Variants in MOCS1 observed in about 807,000 individuals in gnomAD.
The protein encoded by MOCS1 is molybdenum cofactor biosynthesis protein 1.
Under a neutral mutation model 57.6 loss-of-function variants are expected in MOCS1, and 39 were observed. The observed-to-expected ratio is 0.68, with a 90% confidence interval of 0.52 to 0.88. MOCS1 has a LOEUF of 0.88. Ranked by LOEUF, MOCS1 falls within the 40% of genes least tolerant of loss-of-function variation. MOCS1 has a pLI of 0.00. For missense variants in MOCS1, 795 were observed against 831.1 expected, an observed-to-expected ratio of 0.96 and a Z score of 0.53; for synonymous variants, 334 against 335.7, an observed-to-expected ratio of 1.00 and a Z score of 0.05.
At position 39,913,791 on chromosome 6, in the gene MOCS1, C is replaced by T. The variant is rs181091882; in HGVS notation, c.628G>A (p.Gly210Ser). The T allele has an allele frequency of 1.0e-4, 167 of 1,614,178 alleles. No individual in the cohort carries two copies. The highest frequency in any genetic ancestry group is 7.3e-5 in the Non-Finnish European group (86 of 1,180,040). ...GGCCTCACCTTCACAGGGTTGTAGC[C>T]CAGCTCGATGGCCTTGTGGATGCCC... is the stretch of plus-strand genomic sequence containing the variant. Reference protein sequence around the residue: ...MEGIHKAIELGYNPVKVNCVV... With the variant: ...MEGIHKAIELSYNPVKVNCVV... Residue 210 changes from glycine (G) to serine (S), a missense_variant, in exon 5 of 11, where the codon GGC (glycine) becomes AGC (serine). By Grantham distance (56) the Gly-to-Ser change is moderately conservative (BLOSUM62 0). Transcript: ENST00000340692.
intron 1 of MOCS1, among the ~76,000 whole-genome samples, chr6:39,928,422 C>G (rs935953435): frequency 6.6e-6 from 1 of 152,168 alleles, no homozygotes; most frequent in Non-Finnish European, 1.5e-5. Context: ...CCTTGGCCCC[C>G]CAAAGTGCTG....
Position 39,906,092 on chromosome 6 carries a change from T to C in MOCS1, c.*265A>G, listed in dbSNP as rs1562081286. On this transcript the variant is annotated 3_prime_UTR_variant, in exon 11 of 11. Transcript: ENST00000340692. The stretch of plus-strand genomic sequence containing the variant: ...GATTTCTCAGTTATCTGGCATTGCT[T>C]GTTGCAGTCCCGCTCCCACGACCTT... 1 of 649,708 alleles carries C rather than the reference T, an allele frequency of 1.5e-6. No homozygotes were observed. Among genetic ancestry groups the C allele is most frequent in the Admixed American group, 2.1e-5 (1 of 47,898 alleles). The allele number at this position is 649,708 out of a possible 1,614,324, so 40.2% of individuals were successfully genotyped here. A position where few individuals can be genotyped will look rare whatever the true frequency, so the allele number is the denominator to read the frequency against.
Position 39,912,432 on chromosome 6 carries a change from G to A in MOCS1, c.871-58C>T, listed in dbSNP as rs532857271. 53 of 1,206,440 alleles carry A rather than the reference G, an allele frequency of 4.4e-5. No individual in the cohort carries two copies. In the East Asian group the frequency reaches 1.2e-3, roughly 26 times the overall value. The allele number at this position is 1,206,440 out of a possible 1,614,324, so 74.7% of individuals were successfully genotyped here. On this transcript the variant is annotated intron_variant, in intron 7 of 10. Transcript: ENST00000340692. ...TGGAGGGGATGGGCTACTGAGCCCA[G>A]TTTCTCACTCCATGACATCAGAACC...
Position 39,906,269 on chromosome 6 carries a change from G to GTGA in MOCS1, c.*85_*87dup, listed in dbSNP as rs1554188117. On this transcript the variant is annotated 3_prime_UTR_variant, in exon 11 of 11. Coordinates refer to ENST00000340692, the MANE Select transcript of MOCS1 (RefSeq NM_001358530.2). ...TGCTCAAGGTAAACAAACAGTGACTGTGATTAAAGGAACCTGACGTCTTTC... is the reference window on the plus strand; with the variant it reads ...TGCTCAAGGTAAACAAACAGTGACTGTGATGATTAAAGGAACCTGACGTCTTTC... The GTGA allele has an allele frequency of 1.3e-6, 2 of 1,522,556 alleles. No homozygotes were observed. Among genetic ancestry groups the GTGA allele is most frequent in the Non-Finnish European group, 1.8e-6 (2 of 1,101,114 alleles). The allele number at this position is 1,522,556 out of a possible 1,614,324, so 94.3% of individuals were successfully genotyped here. A position where few individuals can be genotyped will look rare whatever the true frequency, so the allele number is the denominator to read the frequency against.
Position 39,909,049 on chromosome 6 carries a change from A to G in MOCS1, c.1150+6T>C. On this transcript the variant is annotated splice_donor_region_variant and intron_variant, in intron 10 of 10. Coordinates refer to ENST00000340692, the MANE Select transcript of MOCS1 (RefSeq NM_001358530.2). ...GTGAGTGGTTACGTACTGATGGGTCACCCACCGATGAGGATCATGGGCCGG... is the reference window on the plus strand; with the variant it reads ...GTGAGTGGTTACGTACTGATGGGTCGCCCACCGATGAGGATCATGGGCCGG... 6.2e-7 allele frequency: 1 copy of G among 1,611,332 alleles called. No individual in the cohort carries two copies. The highest frequency in any genetic ancestry group is 1.1e-5 in the South Asian group (1 of 90,876).
At chr6:39,928,581 A>G (rs1357811837) in intron 1 of MOCS1, among the ~76,000 whole-genome samples, 1 of 152,068 alleles carries the variant, frequency 6.6e-6, no homozygotes, top group East Asian at 1.9e-4. Flanking sequence ...CAAAAAAATC[A>G]CGACCCTGGA....
In MOCS1 at chr6:39,913,418, A is replaced by C; in HGVS notation, c.656T>G (p.Val219Gly). Residue 219 changes from valine (V) to glycine (G), a missense_variant, in exon 6 of 11, where the codon GTG becomes GGG. Around this residue, in one of 3 missense-constraint regions of MOCS1, gnomAD observed 416 missense variants for 392.4 expected, o/e 1.06. Coordinates refer to ENST00000340692, the MANE Select transcript of MOCS1 (RefSeq NM_001358530.2). ...LGYNPVKVNC[V>G]VMRGLNEDEL... is the part of the protein sequence containing the mutation. ...ATCCTCGTTAAGGCCTCGCATCACC[A>C]CACAGTTCACCTGGCCGGGGAACAA... is the stretch of plus-strand genomic sequence containing the variant. The C allele has an allele frequency of 6.2e-7, 1 of 1,614,080 alleles. No individual in the cohort carries two copies. Among genetic ancestry groups the C allele is most frequent in the South Asian group, 1.1e-5 (1 of 91,080 alleles).
intron 3 of MOCS1, among the ~76,000 whole-genome samples, chr6:39,925,199 T>G (rs1287730071): frequency 6.6e-6 from 1 of 151,480 alleles, no homozygotes; most frequent in African/African-American, 2.4e-5. Flanking sequence ...TGTGAGTACA[T>G]GAGGACGCAC....
At position 39,913,381 on chromosome 6, in the gene MOCS1, GTCCAGGAGT is replaced by G. The variant is rs1562090040; in HGVS notation, c.684_692del (p.Glu228_Leu230del). 4 of 1,614,222 alleles carry G rather than the reference GTCCAGGAGT, an allele frequency of 2.5e-6. No individual in the cohort carries two copies. The East Asian group carries it at 8.9e-5, about 36-fold the overall frequency. ...GGAGGCCCTCAGTCAAGGCCGCAAA[GTCCAGGAGT>G]TCATCCTCGTTAAGGCCTCGCATCA... On this transcript the variant is annotated inframe_deletion, in exon 6 of 11. Coordinates refer to ENST00000340692, the MANE Select transcript of MOCS1 (RefSeq NM_001358530.2).
rs1661947452 is a variant in MOCS1, at chr6:39,909,058, T to A, written c.1147A>T (p.Ile383Phe). 6.2e-7 allele frequency: 1 copy of A among 1,607,208 alleles called. No homozygotes were observed. The highest frequency in any genetic ancestry group is 1.7e-5 in the Admixed American group (1 of 59,108). ...TACGTACTGATGGGTCACCCACCGA[T>A]GAGGATCATGGGCCGGTTCTTCATC... ...SQMKNRPMIL[I>F]ELFLMFPNSP... Residue 383 changes from isoleucine (I) to phenylalanine (F), a missense_variant, in exon 10 of 11, where the codon ATC becomes TTC. Ile to Phe is a conservative substitution (Grantham distance 21). This residue lies in a region of MOCS1 where 374 missense variants were observed against 422.6 expected (regional missense o/e 0.89). Transcript: ENST00000340692.
In MOCS1 at chr6:39,909,036, G is replaced by T; in HGVS notation, c.1150+19C>A. ...CCAAATGACAAGGGTGAGTGGTTAC[G>T]TACTGATGGGTCACCCACCGATGAG... On this transcript the variant is annotated intron_variant, in intron 10 of 10. Coordinates refer to ENST00000340692, the MANE Select transcript of MOCS1 (RefSeq NM_001358530.2). The T allele has an allele frequency of 6.2e-7, 1 of 1,609,872 alleles. No individual in the cohort carries two copies. Among genetic ancestry groups the T allele is most frequent in the South Asian group, 1.1e-5 (1 of 90,906 alleles).
At position 39,926,267 on chromosome 6, in the gene MOCS1, G is replaced by A. The variant is rs139222140; in HGVS notation, c.251-422C>T. 8.5e-5 allele frequency among the ~76,000 whole-genome samples: 13 copies of A among 152,288 alleles called. 1 individual carries two copies. In the East Asian group the frequency reaches 2.5e-3, roughly 29 times the overall value. ...GTAGCTTTCTCTCTGTGTGTCATGG[G>A]GTGAGAGAGAGGTACTCTCTGGCCT... is the stretch of plus-strand genomic sequence containing the variant. On this transcript the variant is annotated intron_variant, in intron 2 of 10. Coordinates refer to ENST00000340692, the MANE Select transcript of MOCS1 (RefSeq NM_001358530.2).
rs938607186 is a variant in MOCS1 at position 39,912,743 on chromosome 6, GGTT to G, written c.870+146_870+148del. 6.8e-5 allele frequency: 51 copies of G among 754,408 alleles called. No individual in the cohort carries two copies. The Admixed American group carries it at 7.4e-4, about 11-fold the overall frequency. 46.7% of individuals were successfully genotyped at this position (754,408 alleles called of 1,614,324 possible). On this transcript the variant is annotated intron_variant, in intron 7 of 10. Coordinates refer to ENST00000340692, the MANE Select transcript of MOCS1 (RefSeq NM_001358530.2). ...ATCTTCATCCATGAAACAGGGAGGTGGTTGTGATAGCACTGATGCTTCCTGCTT... is the reference window on the plus strand; with the variant it reads ...ATCTTCATCCATGAAACAGGGAGGTGGTGATAGCACTGATGCTTCCTGCTT...
chr6:39,930,567 A>G (rs1028372660), intron 1 of MOCS1, among the ~76,000 whole-genome samples: 1 of 152,232 alleles, frequency 6.6e-6, no homozygotes, highest in African/African-American at 2.4e-5. Context: ...TCTACTGTCA[A>G]AATGGTTTAA....
chr6:39,911,581 A>G (rs574813662), intron 8 of MOCS1, among the ~76,000 whole-genome samples: 1 of 152,296 alleles, frequency 6.6e-6, no homozygotes, highest in Non-Finnish European at 1.5e-5. Flanking sequence ...ATTCTGAACC[A>G]AAGCCCCCTA....
rs7739711 is a variant in MOCS1 at position 39,905,101 on chromosome 6, T to C, written c.*1256A>G. The C allele has an allele frequency of 2.2e-6, 1 of 454,550 alleles. No homozygotes were observed. Among genetic ancestry groups the C allele is most frequent in the Non-Finnish European group, 4.4e-6 (1 of 226,904 alleles). The allele number at this position is 454,550 out of a possible 1,614,324, so 28.2% of individuals were successfully genotyped here. A position where few individuals can be genotyped will look rare whatever the true frequency, so the allele number is the denominator to read the frequency against. On this transcript the variant is annotated 3_prime_UTR_variant, in exon 11 of 11. Coordinates refer to ENST00000340692, the MANE Select transcript of MOCS1 (RefSeq NM_001358530.2). The stretch of plus-strand genomic sequence containing the variant: ...TAATATTTGCCAGCACACCTTGGCA[T>C]AGGGCAGAGGGGAGGCAGGCAGGGG...
Position 39,906,775 on chromosome 6 carries a change from CT to C in MOCS1, c.1492del (p.Arg498GlyfsTer20). 6.2e-7 allele frequency: 1 copy of C among 1,614,210 alleles called. No individual in the cohort carries two copies. Among genetic ancestry groups the C allele is most frequent in the Non-Finnish European group, 8.5e-7 (1 of 1,180,038 alleles). ...EGRAAMVDVG[R>X]KPDTERVAVA... is the part of the protein sequence containing the mutation. The stretch of plus-strand genomic sequence containing the variant: ...AGCCACCCGCTCTGTGTCTGGCTTC[CT>C]GCCCACATCTACCATAGCTGCCCGT... On this transcript the variant is annotated frameshift_variant, in exon 11 of 11. Transcript: ENST00000340692. LOFTEE classifies it high-confidence loss of function.
At chr6:39,908,480 C>T (rs1035602649) in intron 10 of MOCS1, among the ~76,000 whole-genome samples, 10 of 152,130 alleles carry the variant, frequency 6.6e-5, no homozygotes, top group South Asian at 2.1e-4. Flanking sequence ...CCTACACACA[C>T]GATGATACAT....
chr6:39,923,120 C>T (rs1025638426), intron 3 of MOCS1, among the ~76,000 whole-genome samples: 2 of 152,108 alleles, frequency 1.3e-5, no homozygotes, highest in Non-Finnish European at 2.9e-5. Context: ...TTTCACCCAC[C>T]CCCACCACCT....
Sources: allele counts gnomAD v4.1 joint callset (sites outside exome capture counted in the v4.1 genomes callset), GRCh38; gene constraint gnomAD v4.1.1; regional missense constraint gnomAD v4.1.1; transcripts MANE v1.5; gene names NCBI Gene and HGNC (gene_info 2026-07-23, HGNC 2026-07-21).